NTAQ1: variants seen among roughly 807,000 people sequenced by gnomAD.
NTAQ1 encodes protein N-terminal glutamine amidohydrolase.
In NTAQ1, 21 loss-of-function variants were observed where a neutral mutation model predicts 28.2. The ratio of observed to expected loss-of-function variants is 0.74; its 90% CI spans 0.53 to 1.07. The LOEUF (loss-of-function observed/expected upper bound fraction) is 1.07, where lower values mean the gene tolerates loss of function less well. NTAQ1 is among the 50% of genes least tolerant of loss of function. The probability of loss-of-function intolerance (pLI) is 0.00; values close to 1 mark genes in which losing one functional copy is unlikely to be tolerated. For synonymous variants in NTAQ1, 105 were observed against 90.0 expected, an observed-to-expected ratio of 1.17 and a Z score of -0.94; for missense variants, 264 against 256.6, an observed-to-expected ratio of 1.03 and a Z score of -0.20.
intron 2 of NTAQ1, among the ~76,000 whole-genome samples, chr8:123,428,341 C>T (rs1177053404): frequency 6.6e-6 from 1 of 151,988 alleles, no homozygotes; most frequent in Admixed American, 6.6e-5. Context: ...AGACTACAGG[C>T]ATGTGCCACC....
At chr8:123,464,811 G>A (rs546897534) in intron 6 of NTAQ1, among the ~76,000 whole-genome samples, 2 of 152,312 alleles carry the variant, frequency 1.3e-5, no homozygotes, top group East Asian at 3.9e-4. Flanking sequence ...ACTTTGGGAG[G>A]CGGATCACTT....
At position 123,416,935 on chromosome 8, in the gene NTAQ1, G is replaced by A. The variant is rs954241024; in HGVS notation, c.83+3G>A. ...TGCGTCTACAGCAGCTGCTACTGGT[G>A]AGGGGGCGCGGGCGCAGCCTCTGGG... On this transcript the variant is annotated splice_donor_region_variant and intron_variant, in intron 1 of 5. Transcript: ENST00000287387. The A allele has an allele frequency of 1.1e-5, 16 of 1,491,194 alleles. No homozygotes were observed. The highest frequency in any genetic ancestry group is 1.4e-5 in the Non-Finnish European group (16 of 1,119,132). 92.4% of individuals were successfully genotyped at this position (1,491,194 alleles called of 1,614,324 possible). A position where few individuals can be genotyped will look rare whatever the true frequency, so the allele number is the denominator to read the frequency against.
At chr8:123,467,843 G>A (rs539828686) in exon 7 of NTAQ1, among the ~76,000 whole-genome samples, 7 of 152,158 alleles carry the variant, frequency 4.6e-5, no homozygotes, top group Admixed American at 3.3e-4. Context: ...TCTGCCTCCC[G>A]GGTTCAAGCG....
downstream of NTAQ1, among the ~76,000 whole-genome samples, chr8:123,445,726 C>T (rs544170084): frequency 1.3e-5 from 2 of 152,128 alleles, no homozygotes; most frequent in Non-Finnish European, 2.9e-5. Context: ...CTGCCTCAGC[C>T]TCCGCATTAG....
At chr8:123,457,891 G>A (rs1184349844) in intron 6 of NTAQ1, among the ~76,000 whole-genome samples, 1 of 151,518 alleles carries the variant, frequency 6.6e-6, no homozygotes, top group Non-Finnish European at 1.5e-5. Flanking sequence ...AAATTTAGCT[G>A]GGCGTGGTGT....
downstream of NTAQ1, among the ~76,000 whole-genome samples, chr8:123,448,642 G>A (rs1293917124): frequency 6.6e-6 from 1 of 152,184 alleles, no homozygotes; most frequent in Non-Finnish European, 1.5e-5. Context: ...AGAATTTGTG[G>A]TGTAAGCCTC....
At chr8:123,428,069 G>T in intron 2 of NTAQ1, 46 bp downstream of exon 2, 3 of 1,347,494 alleles carry the variant, frequency 2.2e-6, no homozygotes, top group South Asian at 2.6e-5. Flanking sequence ...GATTTAGGAT[G>T]ACATTAGAAG....
intron 4 of NTAQ1, 71 bp from the exon 5 acceptor site, chr8:123,437,139 G>A (rs1427108038): frequency 1.5e-5 from 24 of 1,580,562 alleles, no homozygotes; most frequent in Non-Finnish European, 2.0e-5. Context: ...GAAATGAGTC[G>A]ATATAAAAAT....
chr8:123,461,309 TG>T (rs1488564902), intron 6 of NTAQ1, among the ~76,000 whole-genome samples: 1 of 152,162 alleles, frequency 6.6e-6, no homozygotes, highest in African/African-American at 2.4e-5. Context: ...CTCAGTGACC[TG>T]GCTGGCTTCC....
intron 1 of NTAQ1, among the ~76,000 whole-genome samples, chr8:123,424,080 T>G (rs1478092727): frequency 7.0e-6 from 1 of 142,112 alleles, no homozygotes; most frequent in Non-Finnish European, 1.5e-5. Context: ...GCGTTTTTTT[T>G]TTTTTTTTTT....
rs115707216 is a variant in NTAQ1 at position 123,426,651 on chromosome 8, T to A, written c.84-1273T>A. ...ACTTCATTCAGCCTGGGCTATGGAG[T>A]GAGACCCTGTCTCTAAAAATAAGCA... is the stretch of plus-strand genomic sequence containing the variant. On this transcript the variant is annotated intron_variant, in intron 1 of 5. Coordinates refer to ENST00000287387, the MANE Select transcript of NTAQ1 (RefSeq NM_018024.3). Among the ~76,000 whole-genome samples, 979 of 151,446 alleles carry A rather than the reference T, an allele frequency of 6.5e-3. 17 individuals are homozygous for A. The highest frequency in any genetic ancestry group is 0.023 in the African/African-American group (935 of 41,206).
chr8:123,461,216 G>A (rs191344682), intron 6 of NTAQ1, among the ~76,000 whole-genome samples: 1 of 152,192 alleles, frequency 6.6e-6, no homozygotes, highest in East Asian at 1.9e-4. Flanking sequence ...GTACAACTCT[G>A]GGCTAGACGC....
At chr8:123,447,734 A>G (rs571464312) in intron 6 of NTAQ1, among the ~76,000 whole-genome samples, 2 of 152,188 alleles carry the variant, frequency 1.3e-5, no homozygotes, top group East Asian at 3.9e-4. Flanking sequence ...CTCTTTCTGT[A>G]TTTTATATAA....
chr8:123,443,344 G>T (rs551928140), downstream of NTAQ1, among the ~76,000 whole-genome samples: 1 of 152,204 alleles, frequency 6.6e-6, no homozygotes, highest in Non-Finnish European at 1.5e-5. Flanking sequence ...TTAAAAGTAG[G>T]TATAAATGTG....
At chr8:123,424,247 A>G (rs911421085) in intron 1 of NTAQ1, among the ~76,000 whole-genome samples, 4 of 140,628 alleles carry the variant, frequency 2.8e-5, no homozygotes, top group African/African-American at 1.1e-4. Flanking sequence ...TAATTTTTGT[A>G]TTTTTTTTTT....
chr8:123,433,161 C>G (rs899262780), intron 3 of NTAQ1, among the ~76,000 whole-genome samples: 3 of 152,200 alleles, frequency 2.0e-5, no homozygotes, highest in Non-Finnish European at 2.9e-5. Context: ...GGCCGCTGCT[C>G]AAGCCTGCAT....
chr8:123,442,434 C>T (rs1021914676), downstream of NTAQ1, among the ~76,000 whole-genome samples: 1 of 151,538 alleles, frequency 6.6e-6, no homozygotes, highest in Admixed American at 6.6e-5. Context: ...CTTGTCTCTA[C>T]TAAAAATATA....
intron 1 of NTAQ1, among the ~76,000 whole-genome samples, chr8:123,424,016 G>T (rs1813884479): frequency 6.6e-6 from 1 of 150,608 alleles, no homozygotes; most frequent in Non-Finnish European, 1.5e-5. Flanking sequence ...CTGAGTAACT[G>T]GGATTATAGG....
chr8:123,474,865 G>T (rs930588903), downstream of NTAQ1, among the ~76,000 whole-genome samples: 1 of 152,012 alleles, frequency 6.6e-6, no homozygotes, highest in Admixed American at 6.6e-5. Context: ...CTAGCCTGGG[G>T]GATAAGAGCA....
Sources: gnomAD v4.1 joint callset for allele counts (sites outside exome capture counted in the v4.1 genomes callset) on GRCh38, gnomAD v4.1.1 for gene constraint, MANE v1.5 for transcripts, NCBI Gene and HGNC (gene_info 2026-07-23, HGNC 2026-07-21) for gene names.